FAM118B: variants seen among roughly 807,000 people sequenced by gnomAD.
The protein encoded by FAM118B is protein FAM118B.
Under a neutral mutation model 38.5 loss-of-function variants are expected in FAM118B, and 24 were observed. That is an observed-to-expected ratio of 0.62 (90% CI 0.45 to 0.88). FAM118B has a LOEUF of 0.88. Among genes scored for constraint, FAM118B ranks in the 40% least tolerant of loss-of-function variants. FAM118B has a pLI of 0.00. For synonymous variants in FAM118B, 138 were observed against 156.3 expected, an observed-to-expected ratio of 0.88 and a Z score of 0.87; for missense variants, 334 against 420.0, an observed-to-expected ratio of 0.80 and a Z score of 1.79.
Position 126,240,834 on chromosome 11 carries a change from T to C in FAM118B, c.129T>C (p.Leu43=). The C allele has an allele frequency of 1.2e-6, 2 of 1,611,610 alleles. No individual in the cohort carries two copies. The highest frequency in any genetic ancestry group is 4.5e-5 in the East Asian group (2 of 44,880). Residue 43 remains leucine (L), a synonymous_variant, in exon 4 of 9, where the codon CTT becomes CTC. Transcript: ENST00000533050. ...TAAAAACTAAGAAGCCTCGAGAACT[T>C]GTGCTAGTGATTGGAACAGGCATTA... ...PSLKTKKPRE[L]VLVIGTGISA... is the part of the protein sequence containing the mutation.
intron 4 of FAM118B, among the ~76,000 whole-genome samples, chr11:126,249,731 CAAAAAAAAAAAAAA>C (rs71048775): frequency 1.1e-3 from 90 of 79,008 alleles, no homozygotes; most frequent in African/African-American, 4.5e-3. Flanking sequence ...GACTCCGTCT[CAAAAAAAAAAAAAA>C]AAAAAAAAAG....
intron 1 of FAM118B, among the ~76,000 whole-genome samples, chr11:126,224,198 T>G (rs958159137): frequency 6.6e-6 from 1 of 152,064 alleles, no homozygotes; most frequent in Non-Finnish European, 1.5e-5. Flanking sequence ...TAGGGCCAGG[T>G]CCAGTGACTC....
In FAM118B at chr11:126,241,058, T is replaced by C. The variant is rs757666351; in HGVS notation, c.339+14T>C. 1.7e-5 allele frequency: 27 copies of C among 1,556,312 alleles called. No homozygotes were observed. Among genetic ancestry groups the C allele is most frequent in the Non-Finnish European group, 2.3e-5 (26 of 1,151,738 alleles). ...AAACTCTCTCCTGTGAGTACCCTAG[T>C]ATGTGCCACAGTATTTGGAATTTCC... On this transcript the variant is annotated intron_variant, in intron 4 of 8. Coordinates refer to ENST00000533050, the MANE Select transcript of FAM118B (RefSeq NM_024556.4).
At chr11:126,240,210 T>C (rs1252185094) in intron 3 of FAM118B, among the ~76,000 whole-genome samples, 1 of 152,140 alleles carries the variant, frequency 6.6e-6, no homozygotes, top group Non-Finnish European at 1.5e-5. Flanking sequence ...TTTGATTAGT[T>C]AATGTCTTTA....
intron 4 of FAM118B, among the ~76,000 whole-genome samples, chr11:126,246,586 C>T (rs886816382): frequency 6.6e-6 from 1 of 152,012 alleles, no homozygotes; most frequent in African/African-American, 2.4e-5. Context: ...GGGCGGGAGG[C>T]GGTGGGGGAA....
chr11:126,219,673 C>G (rs577625711), intron 1 of FAM118B, among the ~76,000 whole-genome samples: 5 of 152,106 alleles, frequency 3.3e-5, no homozygotes, highest in African/African-American at 1.2e-4. Flanking sequence ...CTTAGTACTT[C>G]GCAGTTTTAT....
At chr11:126,214,724 A>G (rs1049555617) in intron 1 of FAM118B, among the ~76,000 whole-genome samples, 3 of 151,958 alleles carry the variant, frequency 2.0e-5, no homozygotes, top group Admixed American at 6.6e-5. Context: ...AACATGACTT[A>G]TTTACATTGA....
At chr11:126,245,076 G>C (rs1950403426) in intron 4 of FAM118B, 1 of 152,228 alleles carries the variant, frequency 6.6e-6, no homozygotes, top group Non-Finnish European at 1.5e-5. Flanking sequence ...ATCTACTTGG[G>C]AGGCTGAGGC....
Position 126,235,071 on chromosome 11 carries a change from C to G in FAM118B, c.70C>G (p.Pro24Ala). Residue 24 changes from proline (P) to alanine (A), a missense_variant, in exon 3 of 9, where the codon CCC becomes GCC. Transcript: ENST00000533050. Reference protein sequence around the residue: ...IFGFFNDGEPPTKKPRKLLPS... With the variant: ...IFGFFNDGEPATKKPRKLLPS... ...TGGATTCTTCAACGATGGCGAACCT[C>G]CCACCAAAAAGCCCAGGTAAACAAG... 6.2e-7 allele frequency: 1 copy of G among 1,614,014 alleles called. No homozygotes were observed. Among genetic ancestry groups the G allele is most frequent in the South Asian group, 1.1e-5 (1 of 91,064 alleles).
At position 126,247,597 on chromosome 11, in the gene FAM118B, C is replaced by T. The variant is rs191061639; in HGVS notation, c.340-2909C>T. 2.6e-5 allele frequency among the ~76,000 whole-genome samples: 4 copies of T among 152,180 alleles called. No homozygotes were observed. In the East Asian group the frequency reaches 7.7e-4, roughly 29 times the overall value. ...ACGTATTTGCCAGCGCGGTGGCTCA[C>T]GCCTGCAATCCCAACACTTTGGGAG... On this transcript the variant is annotated intron_variant, in intron 4 of 8. Transcript: ENST00000533050.
In FAM118B at chr11:126,244,663, G is replaced by A. The variant is rs555851973; in HGVS notation, c.339+3619G>A. On this transcript the variant is annotated intron_variant, in intron 4 of 8. Transcript: ENST00000533050. The surrounding 1 kb of genome is among the most constrained non-coding windows in gnomAD (Gnocchi z 4.5). ...TACTAAAAATACAAAAATTAGCTGA[G>A]CATGATGGCGGGTGCCTATAATCCC... Among the ~76,000 whole-genome samples the A allele has an allele frequency of 6.6e-6, 1 of 152,272 alleles. No homozygotes were observed. Among genetic ancestry groups the A allele is most frequent in the Admixed American group, 6.5e-5 (1 of 15,300 alleles).
chr11:126,247,768 G>T (rs940872546), intron 4 of FAM118B, among the ~76,000 whole-genome samples: 1 of 150,986 alleles, frequency 6.6e-6, no homozygotes, highest in African/African-American at 2.4e-5. Flanking sequence ...TGAGGCAGGG[G>T]AATTGCTTGA....
Position 126,256,751 on chromosome 11 carries a change from T to G in FAM118B, c.881T>G (p.Leu294Arg), listed in dbSNP as rs1219104115. ...TTCAAAAAGCTTCGAGAAAACATGCTGGACAAGGGGATTAAAGTCATCTCC... is the reference window on the plus strand; with the variant it reads ...TTCAAAAAGCTTCGAGAAAACATGCGGGACAAGGGGATTAAAGTCATCTCC... ...DEFKKLRENM[L>R]DKGIKVISYG... The change falls in exon 7 of 9, where the codon CTG becomes CGG. Residue 294 changes from leucine (L) to arginine (R), a missense_variant. This residue lies in a region of FAM118B where 88 missense variants were observed against 98.1 expected (regional missense o/e 0.90). Transcript: ENST00000533050. This position sits in a 1 kb window ranked among gnomAD's most constrained non-coding sequence, Gnocchi z 6.6. 1.2e-6 allele frequency: 2 copies of G among 1,614,046 alleles called. No homozygotes were observed. The highest frequency in any genetic ancestry group is 1.7e-6 in the Non-Finnish European group (2 of 1,180,028).
intron 1 of FAM118B, among the ~76,000 whole-genome samples, chr11:126,227,058 C>CTTTTTT (rs575065140): frequency 7.2e-5 from 7 of 97,172 alleles, no homozygotes; most frequent in East Asian, 5.5e-4. Flanking sequence ...ATACAAGCTT[C>CTTTTTT]TTTTTTTTTT....
At position 126,253,446 on chromosome 11, in the gene FAM118B, G is replaced by A. The variant is rs772191467; in HGVS notation, c.568-859G>A. Reference sequence around the variant, plus strand: ...ATGGAATCAGGTGGCTATTGCATTCGCTGTTGTCTAAATGATTGTTCTTCG... The same window carrying A: ...ATGGAATCAGGTGGCTATTGCATTCACTGTTGTCTAAATGATTGTTCTTCG... On this transcript the variant is annotated intron_variant, in intron 5 of 8. Coordinates refer to ENST00000533050, the MANE Select transcript of FAM118B (RefSeq NM_024556.4). This position sits in a 1 kb window ranked among gnomAD's most constrained non-coding sequence, Gnocchi z 5.1. Among the ~76,000 whole-genome samples, 1 of 152,136 alleles carries A rather than the reference G, an allele frequency of 6.6e-6. No individual in the cohort carries two copies. The highest frequency in any genetic ancestry group is 1.5e-5 in the Non-Finnish European group (1 of 68,022).
At chr11:126,218,187 TGGGCTCAGA>T (rs1950005633) in intron 1 of FAM118B, among the ~76,000 whole-genome samples, 1 of 152,244 alleles carries the variant, frequency 6.6e-6, no homozygotes, top group Admixed American at 6.5e-5. Flanking sequence ...GTGGATATGG[TGGGCTCAGA>T]GGGCCCGCTG....
chr11:126,234,846 CATTA>C (rs1950251557), intron 2 of FAM118B, 145 bp from the exon 3 acceptor site: 1 of 524,492 alleles, frequency 1.9e-6, no homozygotes, highest in South Asian at 3.9e-5. Flanking sequence ...TTAGAATGTT[CATTA>C]ATTAACAAAT....
chr11:126,238,217 C>T (rs1422471101), intron 3 of FAM118B, among the ~76,000 whole-genome samples: 1 of 151,986 alleles, frequency 6.6e-6, no homozygotes, highest in Non-Finnish European at 1.5e-5. Context: ...CAAAAATTGG[C>T]TGGGTGTGGT....
At chr11:126,212,719 A>G (rs1949902211) in intron 1 of FAM118B, among the ~76,000 whole-genome samples, 1 of 152,154 alleles carries the variant, frequency 6.6e-6, no homozygotes, top group South Asian at 2.1e-4. Flanking sequence ...GTTGAATTAG[A>G]TTTGGGTTCT....
Sources: gnomAD v4.1 joint callset for allele counts (sites outside exome capture counted in the v4.1 genomes callset) on GRCh38, gnomAD v4.1.1 for gene constraint, gnomAD v4.1.1 regional missense constraint, Gnocchi (gnomAD v3.1) non-coding constraint, MANE v1.5 for transcripts, NCBI Gene and HGNC (gene_info 2026-07-23, HGNC 2026-07-21) for gene names.